Variants in DLGAP1 observed in about 807,000 individuals in gnomAD.
The protein encoded by DLGAP1 is disks large-associated protein 1.
Under a neutral mutation model 90.8 loss-of-function variants are expected in DLGAP1, and 11 were observed. That is an observed-to-expected ratio of 0.12 (90% confidence interval 0.08 to 0.20). The LOEUF (loss-of-function observed/expected upper bound fraction) is 0.20, where lower values mean the gene tolerates loss of function less well. Among genes scored for constraint, DLGAP1 ranks in the 10% least tolerant of loss-of-function variants. The probability of loss-of-function intolerance (pLI) is 1.00; values close to 1 mark genes in which losing one functional copy is unlikely to be tolerated. For synonymous variants in DLGAP1, 558 were observed against 540.7 expected (o/e 1.03, Z -0.44); for missense variants, 1,050 against 1,333.8 (o/e 0.79, Z 3.31).
At chr18:3,655,179 A>G (rs577430348) in intron 7 of DLGAP1, among the ~76,000 whole-genome samples, 1 of 151,950 alleles carries the variant, frequency 6.6e-6, no homozygotes, top group Non-Finnish European at 1.5e-5. Flanking sequence ...AAAGCCCACT[A>G]CCTCTTCCAT....
At chr18:4,004,336 T>C (rs759406541) in intron 3 of DLGAP1, among the ~76,000 whole-genome samples, 3 of 151,590 alleles carry the variant, frequency 2.0e-5, no homozygotes, top group Admixed American at 6.6e-5. Flanking sequence ...GCACATGATA[T>C]AAGTACCTAA....
chr18:4,336,428 G>A (rs1340733372), intron 1 of DLGAP1, among the ~76,000 whole-genome samples: 21 of 152,148 alleles, frequency 1.4e-4, no homozygotes, highest in Admixed American at 1.4e-3. Context: ...AAATATAGAC[G>A]AGTGAATTTG....
intron 2 of DLGAP1, among the ~76,000 whole-genome samples, chr18:4,074,110 T>G (rs1250185236): frequency 6.6e-6 from 1 of 152,090 alleles, no homozygotes; most frequent in Non-Finnish European, 1.5e-5. Context: ...TCAAGACATA[T>G]GCATACAGTA....
intron 7 of DLGAP1, among the ~76,000 whole-genome samples, chr18:3,649,220 C>A (rs954676130): frequency 6.6e-6 from 1 of 152,138 alleles, no homozygotes; most frequent in Non-Finnish European, 1.5e-5. Context: ...GCCTGAAAAC[C>A]TTTCCTCTCC....
At chr18:3,616,314 T>C (rs2057862004) in intron 7 of DLGAP1, among the ~76,000 whole-genome samples, 1 of 152,206 alleles carries the variant, frequency 6.6e-6, no homozygotes, top group Non-Finnish European at 1.5e-5. Context: ...CTGTCTGACC[T>C]GACTACTCTA....
Position 3,765,410 on chromosome 18 carries a change from G to A in DLGAP1, c.1173-22898C>T, listed in dbSNP as rs183227033. Among the ~76,000 whole-genome samples the A allele has an allele frequency of 6.6e-3, 1,004 of 151,608 alleles. 5 individuals carry two copies. The highest frequency in any genetic ancestry group is 0.011 in the Non-Finnish European group (737 of 67,888). ...CTCCCAAAGTGCTGGGATTACAGGC[G>A]TGAGCCACTGCACCTGGCTCCACAC... On this transcript the variant is annotated intron_variant, in intron 5 of 12. Coordinates refer to ENST00000315677, the MANE Select transcript of DLGAP1 (RefSeq NM_004746.4).
At position 4,133,434 on chromosome 18, in the gene DLGAP1, T is replaced by TA. The variant is rs566263391; in HGVS notation, c.-159+17745dup. ...CCAGTCCCTGCTTAAAAGCCTTGAA[T>TA]AAATGTTGGTCCATTGGGTGAAATT... On this transcript the variant is annotated intron_variant, in intron 2 of 12. Transcript: ENST00000315677. Among the ~76,000 whole-genome samples, 254 of 152,328 alleles carry TA rather than the reference T, an allele frequency of 1.7e-3. 1 individual carries two copies. Among genetic ancestry groups the TA allele is most frequent in the Middle Eastern group, 3.4e-3 (1 of 294 alleles).
At chr18:4,286,774 A>C (rs1400396119) in intron 1 of DLGAP1, among the ~76,000 whole-genome samples, 1 of 152,166 alleles carries the variant, frequency 6.6e-6, no homozygotes, top group Non-Finnish European at 1.5e-5. Context: ...GAAAATAAGC[A>C]AGACAAATGA....
Position 3,909,675 on chromosome 18 carries a change from T to G in DLGAP1, c.-72-29535A>C, listed in dbSNP as rs2071990457. ...GTGCAACAGTCAATAGACGGAAAAT[T>G]CTTTGAACAGCAGGGATCATATACA... On this transcript the variant is annotated intron_variant, in intron 3 of 12. Coordinates refer to ENST00000315677, the MANE Select transcript of DLGAP1 (RefSeq NM_004746.4). 2.0e-5 allele frequency among the ~76,000 whole-genome samples: 3 copies of G among 152,184 alleles called. No homozygotes were observed. The South Asian group carries it at 6.2e-4, about 32-fold the overall frequency.
intron 1 of DLGAP1, among the ~76,000 whole-genome samples, chr18:4,314,611 C>T (rs577912118): frequency 2.0e-5 from 3 of 152,236 alleles, no homozygotes; most frequent in East Asian, 1.9e-4. Context: ...TTTATAAAAA[C>T]GGTAAGAACC....
At chr18:4,031,080 G>A (rs995454070) in intron 2 of DLGAP1, among the ~76,000 whole-genome samples, 3 of 151,978 alleles carry the variant, frequency 2.0e-5, no homozygotes, top group African/African-American at 7.3e-5. Flanking sequence ...CTCAAACATG[G>A]CGCCATTCCT....
At chr18:4,363,064 G>C (rs1567862401) in intron 1 of DLGAP1, among the ~76,000 whole-genome samples, 2 of 152,108 alleles carry the variant, frequency 1.3e-5, no homozygotes, top group Non-Finnish European at 2.9e-5. Flanking sequence ...GTTGGAGCAA[G>C]CAACAGACTT....
At chr18:3,870,641 T>TATCC (rs888379908) in intron 4 of DLGAP1, among the ~76,000 whole-genome samples, 1 of 151,524 alleles carries the variant, frequency 6.6e-6, no homozygotes, top group Non-Finnish European at 1.5e-5. Flanking sequence ...TCTATCTATC[T>TATCC]ATCTATCTAT....
intron 7 of DLGAP1, chr18:3,597,404 T>C (rs983693631): frequency 5.4e-6 from 2 of 373,082 alleles, no homozygotes; most frequent in African/African-American, 4.3e-5. Context: ...GGTAGCTGGT[T>C]GTTTTAAGAT....
At chr18:3,741,339 C>CAT (rs1370738430) in intron 6 of DLGAP1, among the ~76,000 whole-genome samples, 4 of 144,628 alleles carry the variant, frequency 2.8e-5, no homozygotes, top group Non-Finnish European at 6.1e-5. Context: ...ATCACCACCA[C>CAT]CACCACCACC....
rs116318680 is a variant in DLGAP1, at chr18:3,689,364, G to A, written c.1591+39771C>T. ...CTCTCCTCTCTGTTTGACCGTTAAT[G>A]GGTTTCAGGAATGTAATTTTAGATA... On this transcript the variant is annotated intron_variant, in intron 7 of 12. Coordinates refer to ENST00000315677, the MANE Select transcript of DLGAP1 (RefSeq NM_004746.4). Among the ~76,000 whole-genome samples, 831 of 152,270 alleles carry A rather than the reference G, an allele frequency of 5.5e-3. 7 individuals are homozygous for A. Among genetic ancestry groups the A allele is most frequent in the African/African-American group, 0.019 (797 of 41,556 alleles).
At chr18:3,942,249 C>T (rs1219279957) in intron 3 of DLGAP1, among the ~76,000 whole-genome samples, 2 of 152,146 alleles carry the variant, frequency 1.3e-5, no homozygotes, top group Non-Finnish European at 2.9e-5. Context: ...AGTATGTTCC[C>T]ACAACAGCCC....
rs2049791776 is a variant in DLGAP1 at position 3,499,077 on chromosome 18, A to G, written c.*108T>C. ...CAACTACACCGCGACAGTGGAAGTCACCGAGCTCGGGAGCGGACGGGCTCG... is the reference window on the plus strand; with the variant it reads ...CAACTACACCGCGACAGTGGAAGTCGCCGAGCTCGGGAGCGGACGGGCTCG... On this transcript the variant is annotated 3_prime_UTR_variant, in exon 13 of 13. Coordinates refer to ENST00000315677, the MANE Select transcript of DLGAP1 (RefSeq NM_004746.4). The surrounding 1 kb of genome is among the most constrained non-coding windows in gnomAD (Gnocchi z 6.4). The G allele has an allele frequency of 9.6e-7, 1 of 1,042,976 alleles. No individual in the cohort carries two copies. The highest frequency in any genetic ancestry group is 1.3e-6 in the Non-Finnish European group (1 of 756,104). The allele number at this position is 1,042,976 out of a possible 1,614,324, so 64.6% of individuals were successfully genotyped here.
chr18:4,130,227 G>A (rs972254371), intron 2 of DLGAP1, among the ~76,000 whole-genome samples: 1 of 152,138 alleles, frequency 6.6e-6, no homozygotes, highest in Non-Finnish European at 1.5e-5. Flanking sequence ...ATACAGACAG[G>A]TAACTATCTC....
Sources: gnomAD v4.1 joint callset for allele counts (sites outside exome capture counted in the v4.1 genomes callset) on GRCh38, gnomAD v4.1.1 for gene constraint, Gnocchi (gnomAD v3.1) non-coding constraint, MANE v1.5 for transcripts, NCBI Gene and HGNC (gene_info 2026-07-23, HGNC 2026-07-21) for gene names.